SOX6: variants seen among roughly 807,000 people sequenced by gnomAD.
SOX6 encodes the protein SRY-box transcription factor 6.
A neutral mutation model predicts 97.8 loss-of-function variants in SOX6; 11 were observed. The observed-to-expected ratio is 0.11, with a 90% CI of 0.07 to 0.19. SOX6 has a LOEUF of 0.19. SOX6 is among the 10% of genes least tolerant of loss of function. The pLI is 1.00. For synonymous variants in SOX6, 360 were observed against 371.4 expected (o/e 0.97, Z 0.35); for missense variants, 810 against 1,039.5 (o/e 0.78, Z 3.04).
chr11:16,643,571 G>C (rs915380830), intron 3 of SOX6, among the ~76,000 whole-genome samples: 2 of 152,218 alleles, frequency 1.3e-5, no homozygotes, highest in African/African-American at 2.4e-5. Flanking sequence ...CCCAGTTCAA[G>C]CTTCCCAGCC....
chr11:16,514,212 G>T (rs1860926088), intron 4 of SOX6, among the ~76,000 whole-genome samples: 1 of 110,650 alleles, frequency 9.0e-6, no homozygotes, highest in Non-Finnish European at 1.9e-5. Flanking sequence ...CAAGTCCCTG[G>T]CTCAAAAAAA....
intron 1 of SOX6, among the ~76,000 whole-genome samples, chr11:16,471,447 C>T (rs941758207): frequency 1.4e-4 from 20 of 142,424 alleles, no homozygotes; most frequent in Admixed American, 1.3e-3. Context: ...CCTTCCTTAT[C>T]TCACAGACAG....
At chr11:16,391,795 T>G (rs1314197078) in intron 1 of SOX6, among the ~76,000 whole-genome samples, 1 of 152,136 alleles carries the variant, frequency 6.6e-6, no homozygotes, top group African/African-American at 2.4e-5. Context: ...GACTAATTAT[T>G]AAAGGTCCAC....
chr11:16,344,350 A>G (rs1856720725), intron 1 of SOX6, among the ~76,000 whole-genome samples: 1 of 151,944 alleles, frequency 6.6e-6, no homozygotes, highest in African/African-American at 2.4e-5. Flanking sequence ...TTTGCTGATT[A>G]TTAGATCTGA....
At chr11:16,442,557 A>C (rs916378847) in intron 1 of SOX6, among the ~76,000 whole-genome samples, 7 of 152,138 alleles carry the variant, frequency 4.6e-5, no homozygotes, top group Admixed American at 2.0e-4. Context: ...TTAAACAAAA[A>C]TAAATTATAT....
intron 1 of SOX6, among the ~76,000 whole-genome samples, chr11:16,458,887 C>T (rs891828521): frequency 2.0e-5 from 3 of 152,148 alleles, no homozygotes; most frequent in Admixed American, 1.3e-4. Context: ...ACTCTAATAA[C>T]TTCAGTGAGT....
intron 3 of SOX6, among the ~76,000 whole-genome samples, chr11:16,641,598 G>T (rs1208311858): frequency 6.6e-6 from 1 of 152,114 alleles, no homozygotes; most frequent in Non-Finnish European, 1.5e-5. Flanking sequence ...TCCTGTATTG[G>T]GTGCATATAT....
At chr11:16,728,529 C>T (rs1250746914) in intron 2 of SOX6, among the ~76,000 whole-genome samples, 1 of 152,192 alleles carries the variant, frequency 6.6e-6, no homozygotes, top group Non-Finnish European at 1.5e-5. Context: ...AAAGGAATAG[C>T]ATCAACATCA....
intron 6 of SOX6, among the ~76,000 whole-genome samples, chr11:16,167,097 A>G (rs1850906552): frequency 6.6e-6 from 1 of 152,300 alleles, no homozygotes; most frequent in South Asian, 2.1e-4. Flanking sequence ...CGGATCTCTA[A>G]TAAGTATTTC....
rs1484841558 is a variant in SOX6, at chr11:16,065,719, A to C, written c.1102-9818T>G. 3.3e-5 allele frequency among the ~76,000 whole-genome samples: 5 copies of C among 152,322 alleles called. No homozygotes were observed. In the South Asian group the frequency reaches 6.2e-4, roughly 19 times the overall value. ...CAGGATATTCATATGCAGAAGAATG[A>C]AACTAGACCCCATCACTAGCCTTAT... On this transcript the variant is annotated intron_variant, in intron 9 of 15. Transcript: ENST00000683767.
rs1409994832 is a variant in SOX6, at chr11:16,402,898, A to G, written c.-4-61646T>C. 4 of 1,490,876 alleles carry G rather than the reference A, an allele frequency of 2.7e-6. No individual in the cohort carries two copies. The Admixed American group carries it at 8.0e-5, about 30-fold the overall frequency. The allele number at this position is 1,490,876 out of a possible 1,614,324, so 92.4% of individuals were successfully genotyped here. A position where few individuals can be genotyped will look rare whatever the true frequency, so the allele number is the denominator to read the frequency against. ...TACACTCAGTTGGGCTGAATTCCAG[A>G]TTGTCATAAAAAGAACCCTGTCCTT... On this transcript the variant is annotated intron_variant, in intron 1 of 15. Transcript: ENST00000396356.
rs774040758 is a variant in SOX6, at chr11:16,189,417, ATGTGTGTGTGTG to A, written c.536-2474_536-2463del. 5.1e-5 allele frequency among the ~76,000 whole-genome samples: 2 copies of A among 39,418 alleles called. 1 individual carries two copies. Among genetic ancestry groups the A allele is most frequent in the Admixed American group, 5.0e-4 (2 of 4,012 alleles). 25.9% of individuals were successfully genotyped at this position (39,418 alleles called of 152,430 possible). A position where few individuals can be genotyped will look rare whatever the true frequency, so the allele number is the denominator to read the frequency against. ...ATAGGCAAAGGTCATGTGTGTGTGC[ATGTGTGTGTGTG>A]TGTGTGTGTGTACACATATGTTGGG... is the stretch of plus-strand genomic sequence containing the variant. On this transcript the variant is annotated intron_variant, in intron 4 of 15. Transcript: ENST00000683767.
At chr11:16,226,696 C>A (rs1280118724) in intron 4 of SOX6, among the ~76,000 whole-genome samples, 2 of 151,234 alleles carry the variant, frequency 1.3e-5, no homozygotes, top group Admixed American at 6.6e-5. Flanking sequence ...TGGGCCCTAC[C>A]AGTAGTTCTG....
At chr11:16,736,144 CATTT>C (rs1459139376) in intron 2 of SOX6, among the ~76,000 whole-genome samples, 16 of 152,222 alleles carry the variant, frequency 1.1e-4, no homozygotes, top group African/African-American at 3.6e-4. Flanking sequence ...AATTCAGAAA[CATTT>C]ATTAACTACC....
intron 3 of SOX6, among the ~76,000 whole-genome samples, chr11:16,691,863 G>T (rs937911525): frequency 7.9e-5 from 12 of 152,108 alleles, no homozygotes; most frequent in African/African-American, 1.2e-4. Flanking sequence ...TAACCTTTTA[G>T]ATTACATCTC....
At chr11:16,320,498 A>G (rs1177967335) in intron 2 of SOX6, among the ~76,000 whole-genome samples, 1 of 152,134 alleles carries the variant, frequency 6.6e-6, no homozygotes, top group African/African-American at 2.4e-5. Context: ...AGGGTTATTG[A>G]AAGCACATAA....
At chr11:16,181,121 A>G (rs960708928) in intron 6 of SOX6, among the ~76,000 whole-genome samples, 6 of 151,666 alleles carry the variant, frequency 4.0e-5, no homozygotes, top group African/African-American at 1.2e-4. Flanking sequence ...AGAAGACAGC[A>G]TTCTAAACTA....
chr11:16,266,374 T>C (rs1379223787), intron 3 of SOX6, among the ~76,000 whole-genome samples: 1 of 151,540 alleles, frequency 6.6e-6, no homozygotes, highest in Non-Finnish European at 1.5e-5. Context: ...TTTAGACACA[T>C]AAAAGCTGAT....
chr11:16,465,494 G>A (rs1410373703), intron 1 of SOX6, among the ~76,000 whole-genome samples: 1 of 152,100 alleles, frequency 6.6e-6, no homozygotes, highest in Non-Finnish European at 1.5e-5. Flanking sequence ...ATTTTGTTCA[G>A]TGAAACATCA....
Sources: gnomAD v4.1 joint callset for allele counts (sites outside exome capture counted in the v4.1 genomes callset) on GRCh38, gnomAD v4.1.1 for gene constraint, MANE v1.5 for transcripts, NCBI Gene and HGNC (gene_info 2026-07-23, HGNC 2026-07-21) for gene names.